The following PCSK6 variants were observed in gnomAD, a reference collection of about 807,000 sequenced individuals.
PCSK6 encodes paired basic amino acid cleaving enzyme 4.
In PCSK6, 85 loss-of-function variants were observed where a neutral mutation model predicts 123.3. That is an observed-to-expected ratio of 0.69 (90% CI 0.58 to 0.83). The LOEUF (loss-of-function observed/expected upper bound fraction) is 0.83. PCSK6 is among the 40% of genes least tolerant of loss of function. The pLI is 0.00. For missense variants in PCSK6, 1,191 were observed against 1,282.3 expected (o/e 0.93, Z 1.09); for synonymous variants, 508 against 516.0 (o/e 0.98, Z 0.21).
chr15:101,416,248 T>C (rs1402775627), intron 6 of PCSK6, among the ~76,000 whole-genome samples: 1 of 152,230 alleles, frequency 6.6e-6, no homozygotes, highest in Non-Finnish European at 1.5e-5. Flanking sequence ...GTGACTCTTG[T>C]TATGTTTTAG....
chr15:101,425,808 A>G (rs1468363583), intron 6 of PCSK6, among the ~76,000 whole-genome samples: 2 of 151,166 alleles, frequency 1.3e-5, no homozygotes, highest in Non-Finnish European at 3.0e-5. Context: ...GAGCTATCTA[A>G]CGGTAATGCT....
rs12593859 is a variant in PCSK6 at position 101,340,965 on chromosome 15, A to T, written c.1859-8934T>A. 0.014 allele frequency among the ~76,000 whole-genome samples: 1,805 copies of T among 130,040 alleles called. 97 individuals carry two copies. The East Asian group carries it at 0.16, about 12-fold the overall frequency. 85.3% of individuals were successfully genotyped at this position (130,040 alleles called of 152,430 possible). On this transcript the variant is annotated intron_variant, in intron 13 of 21. Coordinates refer to ENST00000611716, the MANE Select transcript of PCSK6 (RefSeq NM_002570.5). ...CCCAAATTTTTTTTTTTTTTTTTTG[A>T]GACAGAGTCACCCAGGCTGGAGTGT...
intron 6 of PCSK6, among the ~76,000 whole-genome samples, chr15:101,418,223 T>C (rs2055957508): frequency 6.6e-6 from 1 of 152,174 alleles, no homozygotes; most frequent in Non-Finnish European, 1.5e-5. Flanking sequence ...CCAATCAGAC[T>C]AGTTAATCAG....
intron 13 of PCSK6, among the ~76,000 whole-genome samples, chr15:101,355,049 A>T (rs2041000651): frequency 6.6e-6 from 1 of 152,240 alleles, no homozygotes; most frequent in African/African-American, 2.4e-5. Flanking sequence ...GATAAATTGG[A>T]CTTCTTTCCT....
Position 101,328,447 on chromosome 15 carries a change from T to C in PCSK6, c.2078-1968A>G, listed in dbSNP as rs539435431. Among the ~76,000 whole-genome samples, 10 of 152,230 alleles carry C rather than the reference T, an allele frequency of 6.6e-5. No individual in the cohort carries two copies. The East Asian group carries it at 1.9e-3, about 29-fold the overall frequency. On this transcript the variant is annotated intron_variant, in intron 15 of 21. Transcript: ENST00000611716. ...AGGCACAGAGCAGGTGCTCAATCACTATTTGCTGAGCGGATGAGAGGAGGG... is the reference window on the plus strand; with the variant it reads ...AGGCACAGAGCAGGTGCTCAATCACCATTTGCTGAGCGGATGAGAGGAGGG...
chr15:101,388,909 G>T (rs1429419108), intron 9 of PCSK6, among the ~76,000 whole-genome samples: 1 of 152,128 alleles, frequency 6.6e-6, no homozygotes, highest in Admixed American at 6.5e-5. Flanking sequence ...GGGTCAATGG[G>T]GAGTGTTATA....
chr15:101,489,239 T>C (rs1416756045), intron 1 of PCSK6, 135 bp downstream of exon 1: 39 of 432,652 alleles, frequency 9.0e-5, no homozygotes, highest in Non-Finnish European at 1.1e-4. Flanking sequence ...CCGCCCGCCG[T>C]CCCCAAGCGG....
At chr15:101,314,911 C>A (rs576080561) in intron 19 of PCSK6, among the ~76,000 whole-genome samples, 5 of 152,298 alleles carry the variant, frequency 3.3e-5, no homozygotes, top group African/African-American at 1.2e-4. Context: ...CAATGCCGCC[C>A]CTCCCCATCA....
At chr15:101,318,714 T>C (rs566244966) in intron 18 of PCSK6, among the ~76,000 whole-genome samples, 1 of 152,346 alleles carries the variant, frequency 6.6e-6, no homozygotes, top group South Asian at 2.1e-4. Context: ...CCAACTCGAA[T>C]CCAAACCCCA....
chr15:101,427,778 T>C (rs551948499), intron 6 of PCSK6, 114 bp downstream of exon 6: 1 of 766,330 alleles, frequency 1.3e-6, no homozygotes, highest in African/African-American at 1.7e-5. Context: ...CCCAGGGGTC[T>C]GCTGACATGG....
chr15:101,313,718 C>T lies in PCSK6; in HGVS notation c.2570-213G>A, dbSNP rs556380234. 38 of 598,876 alleles carry T rather than the reference C, an allele frequency of 6.3e-5. No individual in the cohort carries two copies. In the South Asian group the frequency reaches 6.7e-4, roughly 11 times the overall value. 37.1% of individuals were successfully genotyped at this position (598,876 alleles called of 1,614,324 possible). ...ATCACCATTTCACAGACGGGGACAT[C>T]GAGGCATGAGATGATCTCAGAGGGA... On this transcript the variant is annotated intron_variant, in intron 19 of 21. Transcript: ENST00000611716.
At chr15:101,468,298 C>T (rs978170840) in intron 1 of PCSK6, among the ~76,000 whole-genome samples, 1 of 152,124 alleles carries the variant, frequency 6.6e-6, no homozygotes, top group African/African-American at 2.4e-5. Flanking sequence ...TCATCATCAT[C>T]GTCACAGCAC....
intron 1 of PCSK6, among the ~76,000 whole-genome samples, chr15:101,448,751 G>A (rs183222031): frequency 8.7e-4 from 132 of 152,282 alleles, no homozygotes; most frequent in Non-Finnish European, 1.4e-3. Context: ...TCTGCCTCTC[G>A]GCATGGTTAA....
At chr15:101,433,467 G>A (rs2056508067) in intron 2 of PCSK6, among the ~76,000 whole-genome samples, 1 of 152,226 alleles carries the variant, frequency 6.6e-6, no homozygotes, top group Non-Finnish European at 1.5e-5. Context: ...TGGCTCTGGG[G>A]CCTGACATGG....
At chr15:101,328,415 T>C (rs1247757096) in intron 15 of PCSK6, among the ~76,000 whole-genome samples, 3 of 152,212 alleles carry the variant, frequency 2.0e-5, no homozygotes, top group Admixed American at 6.5e-5. Context: ...GCTAGATTCC[T>C]GGCATTAGGC....
chr15:101,484,508 C>T (rs929896517), intron 1 of PCSK6, among the ~76,000 whole-genome samples: 1 of 152,222 alleles, frequency 6.6e-6, no homozygotes, highest in Non-Finnish European at 1.5e-5. Context: ...CCTGCCTCAG[C>T]CTCCTGAGTA....
intron 6 of PCSK6, among the ~76,000 whole-genome samples, chr15:101,403,922 C>T (rs369268156): frequency 1.5e-4 from 23 of 152,140 alleles, no homozygotes; most frequent in African/African-American, 2.9e-4. Flanking sequence ...GGTTTCACCA[C>T]GTTGGCCAGG....
rs561387958 is a variant in PCSK6, at chr15:101,332,496, G to A, written c.1859-465C>T. ...TCCAAGTGTGATAACTGGGTTGCATGGAGGAGTCCTGCTGTTTGGATCCTT... is the reference window on the plus strand; with the variant it reads ...TCCAAGTGTGATAACTGGGTTGCATAGAGGAGTCCTGCTGTTTGGATCCTT... On this transcript the variant is annotated intron_variant, in intron 13 of 21. Transcript: ENST00000611716. Among the ~76,000 whole-genome samples the A allele has an allele frequency of 2.6e-5, 4 of 152,324 alleles. No homozygotes were observed. The South Asian group carries it at 8.3e-4, about 32-fold the overall frequency.
chr15:101,342,608 T>G (rs1473709664), intron 13 of PCSK6, among the ~76,000 whole-genome samples: 1 of 152,178 alleles, frequency 6.6e-6, no homozygotes, highest in African/African-American at 2.4e-5. Flanking sequence ...GTATCAAGAA[T>G]ACACTGGCTT....
Sources: allele counts gnomAD v4.1 joint callset (sites outside exome capture counted in the v4.1 genomes callset), GRCh38; gene constraint gnomAD v4.1.1; transcripts MANE v1.5; gene names NCBI Gene and HGNC (gene_info 2026-07-23, HGNC 2026-07-21).